ARL1: variants seen among roughly 807,000 people sequenced by gnomAD.
The protein encoded by ARL1 is ARF like GTPase 1.
In ARL1, 17 loss-of-function variants were observed where a neutral mutation model predicts 30.1. The ratio of observed to expected loss-of-function variants is 0.56; its 90% CI spans 0.39 to 0.85. The LOEUF is 0.85. Among genes scored for constraint, ARL1 ranks in the 40% least tolerant of loss-of-function variants. The pLI, the probability that ARL1 is intolerant of heterozygous loss-of-function variation, is 0.00. For synonymous variants in ARL1, 58 were observed against 71.7 expected (o/e 0.81, Z 0.97); for missense variants, 102 against 212.6 (o/e 0.48, Z 3.24).
chr12:101,406,110 A>G (rs1439847696), intron 1 of ARL1, 129 bp from the exon 2 acceptor site: 2 of 697,986 alleles, frequency 2.9e-6, no homozygotes, highest in Non-Finnish European at 4.5e-6. Flanking sequence ...GCGTAGGTGC[A>G]TATTTTTCCT....
intron 3 of ARL1, chr12:101,401,636 C>CAAAAAA (rs758711443): frequency 9.4e-5 from 3 of 31,820 alleles, no homozygotes; most frequent in African/African-American, 2.2e-4. Flanking sequence ...AACTCTGTCT[C>CAAAAAA]AAAAAAAAAA....
chr12:101,396,155 G>A, intron 5 of ARL1: 1 of 608,452 alleles, frequency 1.6e-6, no homozygotes, highest in Non-Finnish European at 2.9e-6. Context: ...GGTGAGGTGA[G>A]GCAGGGAAAA....
rs913432960 is a variant in ARL1 at position 101,394,226 on chromosome 12, G to A, written c.*1414C>T. The A allele has an allele frequency of 5.3e-5, 8 of 152,312 alleles. No individual in the cohort carries two copies. The highest frequency in any genetic ancestry group is 1.9e-4 in the African/African-American group (8 of 41,578). The allele number at this position is 152,312 out of a possible 1,614,324, so 9.4% of individuals were successfully genotyped here. A position where few individuals can be genotyped will look rare whatever the true frequency, so the allele number is the denominator to read the frequency against. ...GGGAAGAGGCCAGAGGCCAACACTGGAAGGACAGTGAGGGCCAAGAAAGGA... is the reference window on the plus strand; with the variant it reads ...GGGAAGAGGCCAGAGGCCAACACTGAAAGGACAGTGAGGGCCAAGAAAGGA... On this transcript the variant is annotated 3_prime_UTR_variant, in exon 6 of 6. Coordinates refer to ENST00000261636, the MANE Select transcript of ARL1 (RefSeq NM_001177.6).
chr12:101,400,138 C>T (rs1033318470), intron 4 of ARL1, among the ~76,000 whole-genome samples: 2 of 152,046 alleles, frequency 1.3e-5, no homozygotes, highest in African/African-American at 4.8e-5. Flanking sequence ...CCATGTTGGA[C>T]AGGCTGGTCT....
At chr12:101,397,899 C>T (rs1440421707) in intron 4 of ARL1, among the ~76,000 whole-genome samples, 1 of 152,138 alleles carries the variant, frequency 6.6e-6, no homozygotes, top group Non-Finnish European at 1.5e-5. Context: ...TGCTATGATT[C>T]AGATCACTAA....
intron 4 of ARL1, among the ~76,000 whole-genome samples, chr12:101,398,825 G>A (rs1196527992): frequency 2.6e-5 from 4 of 152,210 alleles, no homozygotes; most frequent in Non-Finnish European, 4.4e-5. Flanking sequence ...AATTAAAAGT[G>A]ACTTCCTAAA....
intron 5 of ARL1, chr12:101,396,111 C>A: frequency 1.7e-6 from 1 of 593,456 alleles, no homozygotes; most frequent in South Asian, 2.1e-5. Flanking sequence ...AGAAGAGAGT[C>A]TTAAGCTAAT....
At chr12:101,407,820 C>G (rs1871494293), upstream of ARL1, 1 of 861,592 alleles carries the variant, frequency 1.2e-6, no homozygotes, top group African/African-American at 1.6e-5. Context: ...GCCTGAGCAT[C>G]CGCGTCGTCG....
intron 4 of ARL1, among the ~76,000 whole-genome samples, chr12:101,397,670 T>C (rs900827452): frequency 1.3e-5 from 2 of 152,010 alleles, no homozygotes; most frequent in Non-Finnish European, 2.9e-5. Context: ...CAGCTAATTT[T>C]TGTATTTTTA....
At chr12:101,401,041 A>G (rs745508819) in intron 4 of ARL1, 21 bp downstream of exon 4, 12 of 1,521,706 alleles carry the variant, frequency 7.9e-6, no homozygotes, top group African/African-American at 1.4e-5. Flanking sequence ...CCCACATTTT[A>G]AAGTGGTTAC....
At chr12:101,407,388 C>A in intron 1 of ARL1, 2 of 444,386 alleles carry the variant, frequency 4.5e-6, no homozygotes, top group East Asian at 3.5e-5. Flanking sequence ...CCAGGCTCTG[C>A]GGACGTCCCC....
chr12:101,399,509 T>TTA (rs1164877225), intron 4 of ARL1, among the ~76,000 whole-genome samples: 1 of 110,546 alleles, frequency 9.0e-6, no homozygotes, highest in Non-Finnish European at 1.7e-5. Context: ...AGACTCTGTC[T>TTA]AAAAAAAAAA....
Position 101,407,752 on chromosome 12 carries a change from C to T in ARL1, c.-107G>A, listed in dbSNP as rs1290739603. The T allele has an allele frequency of 1.3e-6, 2 of 1,531,218 alleles. No individual in the cohort carries two copies. Among genetic ancestry groups the T allele is most frequent in the African/African-American group, 1.4e-5 (1 of 73,412 alleles). The allele number at this position is 1,531,218 out of a possible 1,614,324, so 94.9% of individuals were successfully genotyped here. On this transcript the variant is annotated 5_prime_UTR_variant, in exon 1 of 6. Transcript: ENST00000261636. The stretch of plus-strand genomic sequence containing the variant: ...CCCAGTCAGCCAGCAACTTCCACGT[C>T]GGACTCCAGGCGGGGGCGGGAGCGA...
At chr12:101,405,688 G>A in intron 2 of ARL1, 156 bp downstream of exon 2, 1 of 681,150 alleles carries the variant, frequency 1.5e-6, no homozygotes, top group Non-Finnish European at 2.1e-6. Context: ...GGCCAAGGCA[G>A]GAGGATCACT....
Position 101,402,948 on chromosome 12 carries a change from TG to T in ARL1, c.143-3del. The T allele has an allele frequency of 6.2e-7, 1 of 1,610,806 alleles. No homozygotes were observed. Among genetic ancestry groups the T allele is most frequent in the Non-Finnish European group, 8.5e-7 (1 of 1,177,518 alleles). On this transcript the variant is annotated splice_polypyrimidine_tract_variant and splice_region_variant and intron_variant, in intron 2 of 5. Coordinates refer to ENST00000261636, the MANE Select transcript of ARL1 (RefSeq NM_001177.6). ...CCGTCTCTACATTAAATCCAATGGC[TG>T]GAAGAGAAATCAAATCAGTGGTATG...
At chr12:101,395,779 G>T in intron 5 of ARL1, 109 bp from the exon 6 acceptor site, 1 of 732,872 alleles carries the variant, frequency 1.4e-6, no homozygotes. Flanking sequence ...TTAAAATGAT[G>T]ACAGCTAACA....
chr12:101,395,576 T>C lies in ARL1; in HGVS notation c.*64A>G. Reference sequence around the variant, plus strand: ...TAACATCTAGTAGTGTGAAGTACACTTGACTGTTTCCAAAGGGAGAGAGGT... The same window carrying C: ...TAACATCTAGTAGTGTGAAGTACACCTGACTGTTTCCAAAGGGAGAGAGGT... On this transcript the variant is annotated 3_prime_UTR_variant, in exon 6 of 6. Transcript: ENST00000261636. 2 of 1,342,072 alleles carry C rather than the reference T, an allele frequency of 1.5e-6. No individual in the cohort carries two copies. Among genetic ancestry groups the C allele is most frequent in the Admixed American group, 2.0e-5 (1 of 51,102 alleles). The allele number at this position is 1,342,072 out of a possible 1,614,324, so 83.1% of individuals were successfully genotyped here. A position where few individuals can be genotyped will look rare whatever the true frequency, so the allele number is the denominator to read the frequency against.
chr12:101,406,242 C>T (rs925272620), intron 1 of ARL1, among the ~76,000 whole-genome samples: 1 of 152,012 alleles, frequency 6.6e-6, no homozygotes, highest in Non-Finnish European at 1.5e-5. Flanking sequence ...GAAATATGGC[C>T]GCGGCCTTTG....
chr12:101,401,848 A>G (rs1309480348), intron 3 of ARL1, among the ~76,000 whole-genome samples: 1 of 152,086 alleles, frequency 6.6e-6, no homozygotes, highest in Non-Finnish European at 1.5e-5. Context: ...TAAGAGGAAT[A>G]AACTTTTTAA....
Sources: gnomAD v4.1 joint callset for allele counts (sites outside exome capture counted in the v4.1 genomes callset) on GRCh38, gnomAD v4.1.1 for gene constraint, MANE v1.5 for transcripts, NCBI Gene and HGNC (gene_info 2026-07-23, HGNC 2026-07-21) for gene names.